The following PHACTR3 variants were observed in gnomAD, a reference collection of about 807,000 sequenced individuals.
The protein encoded by PHACTR3 is protein phosphatase 1, regulatory subunit 123.
PHACTR3 carries 16 observed loss-of-function variants against 66.8 expected under a neutral mutation model. That is an observed-to-expected ratio of 0.24 (90% CI 0.16 to 0.36). PHACTR3 has a LOEUF of 0.36. Among genes scored for constraint, PHACTR3 ranks in the 10% least tolerant of loss-of-function variants. The pLI is 1.00. For missense variants in PHACTR3, 647 were observed against 719.9 expected (o/e 0.90, Z 1.16); for synonymous variants, 323 against 292.1 (o/e 1.11, Z -1.08).
rs538039765 is a variant in PHACTR3 at position 59,803,908 on chromosome 20, C to T, written c.1175-2133C>T. 3.9e-5 allele frequency among the ~76,000 whole-genome samples: 6 copies of T among 152,264 alleles called. No individual in the cohort carries two copies. In the East Asian group the frequency reaches 1.2e-3, roughly 29 times the overall value. On this transcript the variant is annotated intron_variant, in intron 7 of 12. Transcript: ENST00000371015. ...GGCATTTGGGGAGGGTGATGTCTGTCACACAATCTAGACTGAAAGCTCTCC... is the reference window on the plus strand; with the variant it reads ...GGCATTTGGGGAGGGTGATGTCTGTTACACAATCTAGACTGAAAGCTCTCC...
chr20:59,750,856 G>A (rs1568779463), intron 3 of PHACTR3, among the ~76,000 whole-genome samples: 1 of 152,166 alleles, frequency 6.6e-6, no homozygotes. Flanking sequence ...CTGTAATAAC[G>A]GGATCCACGC....
In PHACTR3 at chr20:59,773,392, C is replaced by A; in HGVS notation, c.865C>A (p.Pro289Thr). ...PHLTTVHRPL[P>T]PSRVIEELHR... ...TCTCACCACGGTCCACCGGCCTCTT[C>A]CCCCAAGCCGCGTCATTGAGGAGCT... Residue 289 changes from proline (P) to threonine (T), a missense_variant, in exon 6 of 13, where the codon CCC becomes ACC. Coordinates refer to ENST00000371015, the MANE Select transcript of PHACTR3 (RefSeq NM_080672.5). 1.2e-6 allele frequency: 2 copies of A among 1,614,184 alleles called. No homozygotes were observed. The highest frequency in any genetic ancestry group is 1.7e-6 in the Non-Finnish European group (2 of 1,180,050).
intron 1 of PHACTR3, among the ~76,000 whole-genome samples, chr20:59,731,088 T>C (rs1161848775): frequency 1.3e-5 from 2 of 152,176 alleles, no homozygotes; most frequent in East Asian, 3.9e-4. Flanking sequence ...TTGCTGATAT[T>C]ATATATAAGA....
chr20:59,709,765 A>C (rs2037845310), intron 1 of PHACTR3, among the ~76,000 whole-genome samples: 1 of 152,080 alleles, frequency 6.6e-6, no homozygotes, highest in East Asian at 1.9e-4. Context: ...CCTGATGGGA[A>C]TTCTGGGTGG....
rs568223213 is a variant in PHACTR3, at chr20:59,738,618, C to T, written c.119-4489C>T. Reference sequence around the variant, plus strand: ...TAGGAAGCTCAGGGCACACAAATACCCTCCTCTGGAGCCCGTGTGGTGTCT... The same window carrying T: ...TAGGAAGCTCAGGGCACACAAATACTCTCCTCTGGAGCCCGTGTGGTGTCT... On this transcript the variant is annotated intron_variant, in intron 1 of 12. Coordinates refer to ENST00000371015, the MANE Select transcript of PHACTR3 (RefSeq NM_080672.5). This position sits in a 1 kb window ranked among gnomAD's most constrained non-coding sequence, Gnocchi z 4.4. Among the ~76,000 whole-genome samples the T allele has an allele frequency of 1.3e-5, 2 of 152,064 alleles. No individual in the cohort carries two copies. Among genetic ancestry groups the T allele is most frequent in the Non-Finnish European group, 2.9e-5 (2 of 67,998 alleles).
chr20:59,741,040 TG>T (rs2039139867), intron 1 of PHACTR3, among the ~76,000 whole-genome samples: 1 of 152,222 alleles, frequency 6.6e-6, no homozygotes, highest in Non-Finnish European at 1.5e-5. Context: ...CCTTGGACAC[TG>T]GTAATGCCCC....
At chr20:59,686,407 T>C (rs533239557) in intron 1 of PHACTR3, among the ~76,000 whole-genome samples, 1 of 152,354 alleles carries the variant, frequency 6.6e-6, no homozygotes, top group Non-Finnish European at 1.5e-5. Context: ...GAGTCAGTTA[T>C]GTTTAAAGTC....
At chr20:59,800,093 TCTC>T (rs1163367032) in intron 7 of PHACTR3, among the ~76,000 whole-genome samples, 2 of 152,222 alleles carry the variant, frequency 1.3e-5, no homozygotes, top group African/African-American at 4.8e-5. Context: ...ATACTTCTGT[TCTC>T]CTTTCCCAAC....
intron 1 of PHACTR3, among the ~76,000 whole-genome samples, chr20:59,720,034 C>T (rs2038234991): frequency 6.6e-6 from 1 of 152,148 alleles, no homozygotes; most frequent in Admixed American, 6.5e-5. Flanking sequence ...GTTTTCCTGC[C>T]CTTCCAGCTC....
chr20:59,605,878 G>T (rs575249890), intron 1 of PHACTR3, among the ~76,000 whole-genome samples: 1 of 149,978 alleles, frequency 6.7e-6, no homozygotes, highest in Non-Finnish European at 1.5e-5. Flanking sequence ...GGTGGGCTGT[G>T]TGCGCCTGTC....
chr20:59,689,113 C>T (rs1293243748), intron 1 of PHACTR3, among the ~76,000 whole-genome samples: 1 of 152,236 alleles, frequency 6.6e-6, no homozygotes, highest in East Asian at 1.9e-4. Context: ...GCCAACTTCT[C>T]TGCTGTGTGC....
intron 1 of PHACTR3, among the ~76,000 whole-genome samples, chr20:59,637,346 G>A (rs957411172): frequency 2.0e-5 from 3 of 152,202 alleles, no homozygotes; most frequent in Admixed American, 1.3e-4. Flanking sequence ...TTCTGCTGTA[G>A]GTTAAAGAAA....
intron 8 of PHACTR3, among the ~76,000 whole-genome samples, chr20:59,812,901 T>C (rs934215086): frequency 3.9e-5 from 6 of 152,108 alleles, no homozygotes; most frequent in Non-Finnish European, 8.8e-5. Context: ...GCAGAGAGGC[T>C]AAGCAGTGTC....
intron 1 of PHACTR3, among the ~76,000 whole-genome samples, chr20:59,674,636 C>T (rs1394575134): frequency 2.0e-5 from 2 of 100,426 alleles, no homozygotes; most frequent in East Asian, 3.7e-4. Flanking sequence ...CCCCGCTTCT[C>T]CTGTTCCTCT....
intron 7 of PHACTR3, 139 bp downstream of exon 7, chr20:59,774,629 G>A: frequency 8.3e-7 from 1 of 1,207,698 alleles, no homozygotes; most frequent in Non-Finnish European, 1.1e-6. Flanking sequence ...GGGGGGCTGT[G>A]TCCTCTGGAA....
At chr20:59,665,717 G>A (rs1166152008) in intron 1 of PHACTR3, among the ~76,000 whole-genome samples, 2 of 152,092 alleles carry the variant, frequency 1.3e-5, no homozygotes, top group South Asian at 4.1e-4. Context: ...AGGGGAGGGA[G>A]AGCCTGTGTG....
intron 1 of PHACTR3, among the ~76,000 whole-genome samples, chr20:59,614,790 C>A (rs1007232466): frequency 6.6e-6 from 1 of 152,182 alleles, no homozygotes; most frequent in African/African-American, 2.4e-5. Context: ...ATCACTAGCT[C>A]TGGAGTTTCA....
chr20:59,754,546 G>A (rs1344008561), intron 3 of PHACTR3, among the ~76,000 whole-genome samples: 4 of 152,248 alleles, frequency 2.6e-5, no homozygotes, highest in African/African-American at 7.2e-5. Context: ...CCGGTGATCA[G>A]TAAACACCTG....
At chr20:59,816,571 C>T (rs2147038984) in intron 8 of PHACTR3, among the ~76,000 whole-genome samples, 1 of 152,346 alleles carries the variant, frequency 6.6e-6, no homozygotes, top group East Asian at 1.9e-4. Flanking sequence ...CTCCCTGGAA[C>T]TCATCCATGG....
Sources: allele counts gnomAD v4.1 joint callset (sites outside exome capture counted in the v4.1 genomes callset), GRCh38; gene constraint gnomAD v4.1.1; non-coding constraint Gnocchi (gnomAD v3.1); transcripts MANE v1.5; gene names NCBI Gene and HGNC (gene_info 2026-07-23, HGNC 2026-07-21).